FGF14: variants seen among roughly 807,000 people sequenced by gnomAD.
FGF14 encodes the protein fibroblast growth factor homologous factor 4.
In FGF14, 5 loss-of-function variants were observed where a neutral mutation model predicts 25.5. That is an observed-to-expected ratio of 0.20 (90% CI 0.10 to 0.41). FGF14 has a LOEUF of 0.41. Ranked by LOEUF, FGF14 falls within the 10% of genes least tolerant of loss-of-function variation. The probability of loss-of-function intolerance (pLI) is 1.00; values close to 1 mark genes in which losing one functional copy is unlikely to be tolerated. For missense variants in FGF14, 222 were observed against 320.1 expected (o/e 0.69, Z 2.34); for synonymous variants, 138 against 118.3 (o/e 1.17, Z -1.08).
intron 1 of FGF14, among the ~76,000 whole-genome samples, chr13:102,103,467 A>ATT (rs10679328): frequency 0.86 from 130,836 of 151,610 alleles, 56,508 homozygotes; most frequent in East Asian, 0.99. Context: ...TGAGCCCCTG[A>ATT]TTTTTTTTGT....
Position 101,859,954 on chromosome 13 carries a change from T to C in FGF14, c.408+8771A>G, listed in dbSNP as rs1240645998. ...TAAATACAGTTTTATCTATTTTTAT[T>C]GTTTTTTTTTAATCTAAAAAGCAAC... On this transcript the variant is annotated intron_variant, in intron 3 of 4. Transcript: ENST00000376143. 2.6e-5 allele frequency among the ~76,000 whole-genome samples: 4 copies of C among 152,142 alleles called. 1 individual carries two copies. The East Asian group carries it at 5.8e-4, about 22-fold the overall frequency.
At chr13:102,262,005 A>C (rs1056059630) in intron 1 of FGF14, among the ~76,000 whole-genome samples, 1 of 152,192 alleles carries the variant, frequency 6.6e-6, no homozygotes, top group African/African-American at 2.4e-5. Context: ...TCCTGGAAGC[A>C]GTAGCCTTGT....
At chr13:101,781,400 A>G (rs2039483423) in intron 3 of FGF14, among the ~76,000 whole-genome samples, 1 of 152,182 alleles carries the variant, frequency 6.6e-6, no homozygotes, top group African/African-American at 2.4e-5. Context: ...GCTGTGCCTG[A>G]TCACGATAGA....
chr13:102,330,408 T>C (rs2056597750), intron 1 of FGF14, among the ~76,000 whole-genome samples: 2 of 152,164 alleles, frequency 1.3e-5, no homozygotes, highest in South Asian at 2.1e-4. Context: ...AACATTGCTA[T>C]AGCAATTCTC....
intron 1 of FGF14, among the ~76,000 whole-genome samples, chr13:102,172,244 A>C (rs891434595): frequency 1.3e-5 from 2 of 152,118 alleles, no homozygotes; most frequent in African/African-American, 4.8e-5. Context: ...AGTGATTTAA[A>C]ACAACTCTAT....
chr13:101,911,452 C>T (rs1017484944), intron 1 of FGF14, among the ~76,000 whole-genome samples: 72 of 152,214 alleles, frequency 4.7e-4, no homozygotes, highest in African/African-American at 1.7e-3. Context: ...TGTTTAATTA[C>T]ATTATACCTA....
At chr13:102,221,340 G>A (rs897843462) in intron 1 of FGF14, among the ~76,000 whole-genome samples, 8 of 151,984 alleles carry the variant, frequency 5.3e-5, no homozygotes, top group South Asian at 4.2e-4. Flanking sequence ...ACCAAAGGAC[G>A]GAAGGTTAAA....
intron 3 of FGF14, among the ~76,000 whole-genome samples, chr13:101,793,209 C>T (rs1406553259): frequency 6.6e-6 from 1 of 152,080 alleles, no homozygotes; most frequent in African/African-American, 2.4e-5. Flanking sequence ...CCACCATCTA[C>T]CCTCTGTTTT....
In FGF14 at chr13:101,717,034, A is replaced by G. The variant is rs1002259624; in HGVS notation, c.*5797T>C. 1 of 152,012 alleles carries G rather than the reference A, an allele frequency of 6.6e-6. No homozygotes were observed. The highest frequency in any genetic ancestry group is 1.5e-5 in the Non-Finnish European group (1 of 67,958). 9.4% of individuals were successfully genotyped at this position (152,012 alleles called of 1,614,324 possible). ...AAAAAAAAAACCACTTTTTTTCTAAAGGTGAATTACTTTGTAAAATCCTAG... is the reference window on the plus strand; with the variant it reads ...AAAAAAAAAACCACTTTTTTTCTAAGGGTGAATTACTTTGTAAAATCCTAG... On this transcript the variant is annotated 3_prime_UTR_variant, in exon 5 of 5. Transcript: ENST00000376143.
In FGF14 at chr13:102,214,438, G is replaced by T. The variant is rs962054641; in HGVS notation, c.208+187033C>A. On this transcript the variant is annotated intron_variant, in intron 1 of 4. Coordinates refer to the FGF14 transcript ENST00000376131. ...ATGTATATAGGTTTTCCTTCCTCAGGATACATCATTGGGTGGCTCCAAGAA... is the reference window on the plus strand; with the variant it reads ...ATGTATATAGGTTTTCCTTCCTCAGTATACATCATTGGGTGGCTCCAAGAA... Among the ~76,000 whole-genome samples the T allele has an allele frequency of 3.9e-5, 6 of 152,166 alleles. 2 individuals are homozygous for T.
intron 1 of FGF14, among the ~76,000 whole-genome samples, chr13:101,940,813 C>T (rs1594780735): frequency 1.3e-5 from 2 of 152,166 alleles, no homozygotes; most frequent in Non-Finnish European, 2.9e-5. Context: ...TTGCTCTATT[C>T]CCTGCTCCCA....
intron 1 of FGF14, among the ~76,000 whole-genome samples, chr13:101,968,218 GA>G (rs1280674763): frequency 6.6e-6 from 1 of 152,142 alleles, no homozygotes; most frequent in East Asian, 1.9e-4. Flanking sequence ...GCATAAAGGT[GA>G]AATTGTTATG....
chr13:101,991,060 T>C (rs909959612), intron 1 of FGF14, among the ~76,000 whole-genome samples: 1 of 152,138 alleles, frequency 6.6e-6, no homozygotes, highest in African/African-American at 2.4e-5. Context: ...TCTTTAACCC[T>C]GCAGTTGAAA....
chr13:101,793,491 T>A (rs1299770354), intron 3 of FGF14, among the ~76,000 whole-genome samples: 1 of 152,146 alleles, frequency 6.6e-6, no homozygotes, highest in Non-Finnish European at 1.5e-5. Context: ...GATGGACACT[T>A]CGACTGATTC....
upstream of FGF14, among the ~76,000 whole-genome samples, chr13:101,921,830 C>A (rs1162740685): frequency 6.6e-6 from 1 of 152,214 alleles, no homozygotes; most frequent in African/African-American, 2.4e-5. Context: ...ATTTGACTCT[C>A]ATCTCCTATG....
At chr13:102,151,762 T>C (rs889002217) in intron 1 of FGF14, among the ~76,000 whole-genome samples, 1 of 152,106 alleles carries the variant, frequency 6.6e-6, no homozygotes, top group Non-Finnish European at 1.5e-5. Context: ...CCTCCCAACG[T>C]ACTAGGATTA....
intron 3 of FGF14, among the ~76,000 whole-genome samples, chr13:101,851,460 T>C (rs2043845175): frequency 6.6e-6 from 1 of 152,078 alleles, no homozygotes; most frequent in Non-Finnish European, 1.5e-5. Context: ...AGGTTTGCGG[T>C]ACTTTGTTAC....
chr13:101,726,539 T>A, intron 4 of FGF14, 73 bp downstream of exon 4: 4 of 1,402,172 alleles, frequency 2.9e-6, no homozygotes, highest in Non-Finnish European at 4.0e-6. Flanking sequence ...CTTAGAGCCA[T>A]GGTAGACCTA....
At chr13:102,392,850 C>T (rs2058465667) in intron 1 of FGF14, among the ~76,000 whole-genome samples, 1 of 152,176 alleles carries the variant, frequency 6.6e-6, no homozygotes. Context: ...TTTCCACCTT[C>T]AACCTTGCCC....
Sources: gnomAD v4.1 joint callset for allele counts (sites outside exome capture counted in the v4.1 genomes callset) on GRCh38, gnomAD v4.1.1 for gene constraint, MANE v1.5 for transcripts, NCBI Gene and HGNC (gene_info 2026-07-23, HGNC 2026-07-21) for gene names.